Variants in PPM1E observed in about 807,000 individuals in gnomAD.
PPM1E encodes the protein protein phosphatase 1E.
A neutral mutation model predicts 65.9 loss-of-function variants in PPM1E; 20 were observed. The ratio of observed to expected loss-of-function variants is 0.30; its 90% CI spans 0.21 to 0.44. The LOEUF (loss-of-function observed/expected upper bound fraction) is 0.44, where lower values mean the gene tolerates loss of function less well. Ranked by LOEUF, PPM1E falls within the 20% of genes least tolerant of loss-of-function variation. The probability of loss-of-function intolerance (pLI) is 1.00; values close to 1 mark genes in which losing one functional copy is unlikely to be tolerated. For synonymous variants in PPM1E, 352 were observed against 374.9 expected (o/e 0.94, Z 0.70); for missense variants, 713 against 953.1 (o/e 0.75, Z 3.32).
intron 2 of PPM1E, among the ~76,000 whole-genome samples, chr17:58,963,287 T>G (rs903404668): frequency 6.7e-6 from 1 of 149,864 alleles, no homozygotes. Context: ...CTCGGGAGGC[T>G]GAGGTAGGAG....
chr17:58,921,286 A>AT (rs1461543437), intron 1 of PPM1E, among the ~76,000 whole-genome samples: 2 of 152,200 alleles, frequency 1.3e-5, no homozygotes, highest in Non-Finnish European at 2.9e-5. Flanking sequence ...AGAAACCTGT[A>AT]TTTTAACATT....
chr17:58,816,771 TA>T (rs1567842157), intron 1 of PPM1E, among the ~76,000 whole-genome samples: 397 of 17,222 alleles, frequency 0.023, 17 homozygotes, highest in South Asian at 0.054. Flanking sequence ...TATATATATA[TA>T]TATATATATA....
chr17:58,797,621 T>C (rs1486263725), intron 1 of PPM1E, among the ~76,000 whole-genome samples: 1 of 152,236 alleles, frequency 6.6e-6, no homozygotes, highest in Non-Finnish European at 1.5e-5. Flanking sequence ...CTCCTGTTGA[T>C]GGACATCTGA....
At chr17:58,878,328 C>T (rs1180567994) in intron 1 of PPM1E, among the ~76,000 whole-genome samples, 2 of 151,980 alleles carry the variant, frequency 1.3e-5, no homozygotes, top group African/African-American at 4.8e-5. Flanking sequence ...CTGCAACCTC[C>T]ACCTCCCGGG....
rs958949088 is a variant in PPM1E, at chr17:58,776,729, T to C, written c.464+20268T>C. On this transcript the variant is annotated intron_variant, in intron 1 of 6. Coordinates refer to ENST00000308249, the MANE Select transcript of PPM1E (RefSeq NM_014906.5). ...ATGAATATTGGGCTATGTTTTAATATGTAAATTATGTTTAAAAATTAATCT... is the reference window on the plus strand; with the variant it reads ...ATGAATATTGGGCTATGTTTTAATACGTAAATTATGTTTAAAAATTAATCT... 5.8e-4 allele frequency among the ~76,000 whole-genome samples: 89 copies of C among 152,330 alleles called. 1 individual carries two copies. Among genetic ancestry groups the C allele is most frequent in the Non-Finnish European group, 6.6e-4 (45 of 68,036 alleles).
chr17:58,791,027 C>T (rs1166513915), intron 1 of PPM1E, among the ~76,000 whole-genome samples: 1 of 151,868 alleles, frequency 6.6e-6, no homozygotes, highest in Non-Finnish European at 1.5e-5. Flanking sequence ...GTAACTGGGA[C>T]TACAGGTGCC....
At chr17:58,887,160 TTC>T (rs1234803727) in intron 1 of PPM1E, among the ~76,000 whole-genome samples, 1 of 128,828 alleles carries the variant, frequency 7.8e-6, no homozygotes, top group African/African-American at 3.1e-5. Flanking sequence ...TGAGGCCTTC[TTC>T]TTTTTTTTTT....
chr17:58,827,336 G>A (rs929655132), intron 1 of PPM1E, among the ~76,000 whole-genome samples: 3 of 151,390 alleles, frequency 2.0e-5, no homozygotes, highest in Admixed American at 1.3e-4. Flanking sequence ...ACAGGGTTTC[G>A]CCATGTTGGC....
At position 58,798,399 on chromosome 17, in the gene PPM1E, A is replaced by G. The variant is rs909051280; in HGVS notation, c.464+41938A>G. 3.4e-5 allele frequency among the ~76,000 whole-genome samples: 5 copies of G among 149,058 alleles called. No homozygotes were observed. The East Asian group carries it at 9.9e-4, about 29-fold the overall frequency. ...AGGCGCCACCACGCCTAATTTTTTT[A>G]TTTTTAATAGAGACAGGGTTTCACC... is the stretch of plus-strand genomic sequence containing the variant. On this transcript the variant is annotated intron_variant, in intron 1 of 6. Transcript: ENST00000308249.
chr17:58,814,546 C>T (rs1178983310), intron 1 of PPM1E, among the ~76,000 whole-genome samples: 1 of 152,162 alleles, frequency 6.6e-6, no homozygotes, highest in Non-Finnish European at 1.5e-5. Flanking sequence ...TACTGAATCT[C>T]AGTTTTCTCA....
chr17:58,778,269 T>G (rs1230967365), intron 1 of PPM1E, among the ~76,000 whole-genome samples: 3 of 151,978 alleles, frequency 2.0e-5, no homozygotes, highest in Non-Finnish European at 4.4e-5. Context: ...CTGGCTAATC[T>G]TTGTATTTTT....
chr17:58,932,813 A>G (rs991312634), intron 1 of PPM1E, among the ~76,000 whole-genome samples: 1 of 152,216 alleles, frequency 6.6e-6, no homozygotes, highest in African/African-American at 2.4e-5. Context: ...TCCAGGAAAA[A>G]CAAAATACAG....
At chr17:58,972,770 T>G in intron 5 of PPM1E, 62 bp from the exon 6 acceptor site, 1 of 1,402,268 alleles carries the variant, frequency 7.1e-7, no homozygotes, top group Non-Finnish European at 1.0e-6. Flanking sequence ...TGTTTACTGT[T>G]AAAGTAAATG....
At chr17:58,901,141 G>A (rs1445449185) in intron 1 of PPM1E, among the ~76,000 whole-genome samples, 2 of 151,908 alleles carry the variant, frequency 1.3e-5, no homozygotes, top group South Asian at 2.1e-4. Context: ...ATTTTCCTGC[G>A]GTATGCTTAT....
intron 1 of PPM1E, chr17:58,897,765 A>T (rs1432597580): frequency 6.6e-6 from 1 of 152,190 alleles, no homozygotes; most frequent in African/African-American, 2.4e-5. Flanking sequence ...CTTCATCTGT[A>T]ACCCACCACC....
At chr17:58,796,829 G>T (rs1598576782) in intron 1 of PPM1E, among the ~76,000 whole-genome samples, 2 of 152,248 alleles carry the variant, frequency 1.3e-5, no homozygotes, top group Admixed American at 1.3e-4. Flanking sequence ...GCTGTGGCCA[G>T]CCATGGTGGC....
intron 1 of PPM1E, among the ~76,000 whole-genome samples, chr17:58,792,734 AATTTTACTCTTTTTTT>A (rs1302178850): frequency 7.4e-6 from 1 of 135,360 alleles, no homozygotes; most frequent in East Asian, 2.4e-4. Flanking sequence ...ATTTTATAAG[AATTTTACTCTTTTTTT>A]TTTTTTTTTT....
chr17:58,801,766 A>T (rs930227640), intron 1 of PPM1E, among the ~76,000 whole-genome samples: 9 of 135,862 alleles, frequency 6.6e-5, no homozygotes, highest in African/African-American at 2.2e-4. Context: ...TTTAATTTTT[A>T]TTTTTTTTGA....
intron 1 of PPM1E, among the ~76,000 whole-genome samples, chr17:58,918,438 T>G (rs1266471210): frequency 6.6e-6 from 1 of 152,176 alleles, no homozygotes; most frequent in Non-Finnish European, 1.5e-5. Context: ...ACTATCTCAT[T>G]CTGACTTGTA....
Sources: allele counts gnomAD v4.1 joint callset (sites outside exome capture counted in the v4.1 genomes callset), GRCh38; gene constraint gnomAD v4.1.1; transcripts MANE v1.5; gene names NCBI Gene and HGNC (gene_info 2026-07-23, HGNC 2026-07-21).